STPG2: variants seen among roughly 807,000 people sequenced by gnomAD.
STPG2 encodes the protein sperm tail PG-rich repeat containing 2.
STPG2 carries 56 observed loss-of-function variants against 54.2 expected under a neutral mutation model. The observed-to-expected ratio is 1.03, with a 90% CI of 0.83 to 1.29. The LOEUF (loss-of-function observed/expected upper bound fraction) is 1.29, where lower values mean the gene tolerates loss of function less well. Among genes scored for constraint, STPG2 ranks in the 50% most tolerant of loss-of-function variants. The pLI, the probability that STPG2 is intolerant of heterozygous loss-of-function variation, is 0.00. For missense variants in STPG2, 596 were observed against 544.9 expected (o/e 1.09, Z -0.93); for synonymous variants, 200 against 181.8 (o/e 1.10, Z -0.81).
At chr4:97,847,227 T>C (rs778971631) in intron 8 of STPG2, among the ~76,000 whole-genome samples, 1 of 152,182 alleles carries the variant, frequency 6.6e-6, no homozygotes, top group Non-Finnish European at 1.5e-5. Flanking sequence ...GCATTTCAGA[T>C]GATAATCAAA....
intron 8 of STPG2, among the ~76,000 whole-genome samples, chr4:97,914,039 G>A (rs994993886): frequency 2.0e-5 from 3 of 151,848 alleles, no homozygotes; most frequent in African/African-American, 4.8e-5. Context: ...TCTACGATAC[G>A]TAACAGCTAT....
intron 8 of STPG2, among the ~76,000 whole-genome samples, chr4:97,877,397 T>C (rs1730216930): frequency 6.6e-6 from 1 of 152,152 alleles, no homozygotes; most frequent in Non-Finnish European, 1.5e-5. Context: ...ATTAGTTCAC[T>C]TTCACACTGC....
At chr4:98,023,282 C>T (rs1276596706) in intron 5 of STPG2, among the ~76,000 whole-genome samples, 10 of 152,162 alleles carry the variant, frequency 6.6e-5, no homozygotes, top group African/African-American at 1.9e-4. Flanking sequence ...TGGAGGTCCA[C>T]TCCAGACCCT....
chr4:97,554,026 G>A (rs550475742), downstream of STPG2, among the ~76,000 whole-genome samples: 19 of 152,102 alleles, frequency 1.2e-4, no homozygotes, highest in South Asian at 6.2e-4. Context: ...ATTTCTTACC[G>A]TTATCTTTAA....
At chr4:97,967,185 CAAA>C (rs58042990) in intron 7 of STPG2, among the ~76,000 whole-genome samples, 12 of 107,158 alleles carry the variant, frequency 1.1e-4, no homozygotes, top group Admixed American at 2.1e-4. Context: ...AAATGGTAAG[CAAA>C]AAAAAAAAAA....
At chr4:97,841,557 C>T (rs1350761294) in intron 8 of STPG2, among the ~76,000 whole-genome samples, 1 of 151,832 alleles carries the variant, frequency 6.6e-6, no homozygotes, top group Non-Finnish European at 1.5e-5. Flanking sequence ...CTAACTATCT[C>T]AGTGAAAACT....
intron 5 of STPG2, among the ~76,000 whole-genome samples, chr4:98,005,457 G>T (rs1423932647): frequency 2.0e-5 from 3 of 152,092 alleles, no homozygotes; most frequent in African/African-American, 7.2e-5. Context: ...GAATATCCTT[G>T]TCTAGTTCTG....
At chr4:98,084,158 T>C (rs1039145787) in intron 5 of STPG2, among the ~76,000 whole-genome samples, 6 of 152,212 alleles carry the variant, frequency 3.9e-5, no homozygotes, top group African/African-American at 1.4e-4. Context: ...TCTGTTATTA[T>C]AGATTTGTCT....
intron 9 of STPG2, among the ~76,000 whole-genome samples, chr4:97,768,649 T>C (rs1475133028): frequency 6.6e-6 from 1 of 152,120 alleles, no homozygotes; most frequent in Non-Finnish European, 1.5e-5. Context: ...ACATTAAACC[T>C]TTACTGCACA....
At chr4:97,687,905 TAGAG>T (rs1255747530) in intron 10 of STPG2, among the ~76,000 whole-genome samples, 1 of 152,126 alleles carries the variant, frequency 6.6e-6, no homozygotes, top group African/African-American at 2.4e-5. Context: ...AGAATAAAAT[TAGAG>T]AGTATATTAA....
intron 10 of STPG2, among the ~76,000 whole-genome samples, chr4:97,567,439 T>C (rs938821711): frequency 2.0e-5 from 3 of 148,784 alleles, no homozygotes; most frequent in Admixed American, 6.7e-5. Flanking sequence ...TATAATTTTA[T>C]ATATATATGT....
chr4:97,852,489 G>A (rs995221520), intron 8 of STPG2, among the ~76,000 whole-genome samples: 2 of 152,104 alleles, frequency 1.3e-5, no homozygotes, highest in African/African-American at 4.8e-5. Flanking sequence ...CTGTGCACAA[G>A]GCATTTCTCT....
At chr4:97,806,034 C>T (rs181882537) in intron 9 of STPG2, among the ~76,000 whole-genome samples, 42 of 152,052 alleles carry the variant, frequency 2.8e-4, no homozygotes, top group Non-Finnish European at 4.9e-4. Context: ...ATTGTTCTAC[C>T]GAAAAGATAC....
intron 4 of STPG2, among the ~76,000 whole-genome samples, chr4:97,516,289 C>T (rs1458319957): frequency 2.0e-5 from 3 of 151,972 alleles, no homozygotes; most frequent in African/African-American, 4.8e-5. Flanking sequence ...ATGAACTAAA[C>T]CAGAGTCACA....
intron 9 of STPG2, among the ~76,000 whole-genome samples, chr4:97,759,452 G>A (rs181145943): frequency 2.0e-5 from 3 of 152,110 alleles, no homozygotes. Flanking sequence ...ATTTAATAGA[G>A]GGAAGAAAAA....
chr4:97,740,886 A>C (rs1725203345), intron 9 of STPG2, among the ~76,000 whole-genome samples: 1 of 152,176 alleles, frequency 6.6e-6, no homozygotes, highest in Admixed American at 6.5e-5. Context: ...ATGGAACCAA[A>C]AAAGAGCCCG....
At chr4:97,576,399 A>G (rs1732725192) in intron 10 of STPG2, among the ~76,000 whole-genome samples, 1 of 151,988 alleles carries the variant, frequency 6.6e-6, no homozygotes, top group African/African-American at 2.4e-5. Flanking sequence ...AACAGCATGC[A>G]ACTGGCACCA....
rs565961506 is a variant in STPG2, at chr4:97,704,305, G to A, written c.1320+8394C>T. 5.3e-5 allele frequency among the ~76,000 whole-genome samples: 8 copies of A among 152,244 alleles called. No individual in the cohort carries two copies. In the East Asian group the frequency reaches 1.4e-3, roughly 26 times the overall value. On this transcript the variant is annotated intron_variant, in intron 10 of 10. Coordinates refer to ENST00000295268, the MANE Select transcript of STPG2 (RefSeq NM_174952.3). Reference sequence around the variant, plus strand: ...TCCAAATGATCTTTCTGGGCTGAAAGCTATCCTTAAGATACAAAGATCTTT... The same window carrying A: ...TCCAAATGATCTTTCTGGGCTGAAAACTATCCTTAAGATACAAAGATCTTT...
chr4:97,480,792 T>C (rs1012537880), intron 4 of STPG2, among the ~76,000 whole-genome samples: 3 of 151,758 alleles, frequency 2.0e-5, no homozygotes, highest in South Asian at 4.1e-4. Flanking sequence ...GAGCTATAGG[T>C]ATTTTTAGCA....
Sources: allele counts gnomAD v4.1 joint callset (sites outside exome capture counted in the v4.1 genomes callset), GRCh38; gene constraint gnomAD v4.1.1; transcripts MANE v1.5; gene names NCBI Gene and HGNC (gene_info 2026-07-23, HGNC 2026-07-21).